SLC17A6: variants seen among roughly 807,000 people sequenced by gnomAD.
SLC17A6 encodes the protein vesicular glutamate transporter 2.
SLC17A6 carries 35 observed loss-of-function variants against 67.1 expected under a neutral mutation model. That is an observed-to-expected ratio of 0.52 (90% CI 0.40 to 0.69). The LOEUF (loss-of-function observed/expected upper bound fraction) is 0.69. Ranked by LOEUF, SLC17A6 falls within the 30% of genes least tolerant of loss-of-function variation. SLC17A6 has a pLI of 0.00. For synonymous variants in SLC17A6, 285 were observed against 252.3 expected, an observed-to-expected ratio of 1.13 and a Z score of -1.23; for missense variants, 588 against 723.9, an observed-to-expected ratio of 0.81 and a Z score of 2.15.
chr11:22,342,661 C>G (rs1421405497), intron 2 of SLC17A6, among the ~76,000 whole-genome samples: 2 of 152,142 alleles, frequency 1.3e-5, no homozygotes, highest in Non-Finnish European at 2.9e-5. Context: ...AACCCCTGAG[C>G]AATGACTCCC....
chr11:22,351,163 T>C (rs981742757), intron 3 of SLC17A6, among the ~76,000 whole-genome samples: 1 of 152,100 alleles, frequency 6.6e-6, no homozygotes, highest in African/African-American at 2.4e-5. Context: ...AATCAAATAA[T>C]AAGTATATAT....
At chr11:22,359,363 A>C in intron 3 of SLC17A6, 50 bp from the exon 4 acceptor site, 2 of 1,159,460 alleles carry the variant, frequency 1.7e-6, no homozygotes, top group Non-Finnish European at 2.4e-6. Flanking sequence ...AGATATGTAT[A>C]TATAAGATGC....
intron 2 of SLC17A6, among the ~76,000 whole-genome samples, chr11:22,342,141 A>G (rs1855822616): frequency 6.6e-6 from 1 of 152,252 alleles, no homozygotes; most frequent in African/African-American, 2.4e-5. Flanking sequence ...TAGTTTTCCC[A>G]GGACTTCAGT....
chr11:22,343,929 C>T (rs984523004), intron 3 of SLC17A6, among the ~76,000 whole-genome samples: 9 of 152,126 alleles, frequency 5.9e-5, no homozygotes, highest in Non-Finnish European at 8.8e-5. Flanking sequence ...TTGGGGGAGC[C>T]CTCAGCTGCT....
intron 5 of SLC17A6, among the ~76,000 whole-genome samples, chr11:22,361,843 C>G (rs1050571505): frequency 8.5e-5 from 13 of 152,142 alleles, no homozygotes; most frequent in Non-Finnish European, 1.2e-4. Context: ...AATTCCCTTT[C>G]CAAATCAGAT....
At chr11:22,377,315 G>C (rs1285263592) in intron 11 of SLC17A6, 90 bp from the exon 12 acceptor site, 1 of 1,213,032 alleles carries the variant, frequency 8.2e-7, no homozygotes, top group Non-Finnish European at 1.2e-6. Context: ...AGTGTTTTAT[G>C]AAAACTCAGT....
chr11:22,377,967 A>G lies in SLC17A6; in HGVS notation c.*227A>G. On this transcript the variant is annotated 3_prime_UTR_variant, in exon 12 of 12. Coordinates refer to ENST00000263160, the MANE Select transcript of SLC17A6 (RefSeq NM_020346.3). ...TCATCCATTCTTGCATTTGTGACTTAAAGGTTGACTGGTCAAAATTGTAGA... is the reference window on the plus strand; with the variant it reads ...TCATCCATTCTTGCATTTGTGACTTGAAGGTTGACTGGTCAAAATTGTAGA... 5.9e-6 allele frequency: 3 copies of G among 512,716 alleles called. No homozygotes were observed. Among genetic ancestry groups the G allele is most frequent in the Non-Finnish European group, 1.0e-5 (3 of 294,146 alleles). The allele number at this position is 512,716 out of a possible 1,614,324, so 31.8% of individuals were successfully genotyped here.
intron 6 of SLC17A6, among the ~76,000 whole-genome samples, chr11:22,363,941 G>T (rs1163167502): frequency 6.6e-6 from 1 of 152,082 alleles, no homozygotes; most frequent in Non-Finnish European, 1.5e-5. Context: ...TATGTTTTGT[G>T]TCTTTGTCCA....
chr11:22,363,828 C>G (rs1364135788), intron 6 of SLC17A6, among the ~76,000 whole-genome samples: 4 of 151,788 alleles, frequency 2.6e-5, no homozygotes, highest in African/African-American at 9.7e-5. Flanking sequence ...TTAATTTATA[C>G]TCTTCATTAC....
In SLC17A6 at chr11:22,359,425, T is replaced by A; in HGVS notation, c.471T>A (p.Ala157=). ...SRLAANRVFG[A]AILLTSTLNM... The stretch of plus-strand genomic sequence containing the variant: ...TTTTCTATTTCAGGGTTTTCGGAGC[T>A]GCCATACTTCTTACCTCTACCCTAA... The change falls in exon 4 of 12, where the codon GCT becomes GCA. Residue 157 remains alanine, a synonymous_variant. Coordinates refer to ENST00000263160, the MANE Select transcript of SLC17A6 (RefSeq NM_020346.3). 1 of 1,575,094 alleles carries A rather than the reference T, an allele frequency of 6.3e-7. No homozygotes were observed. The highest frequency in any genetic ancestry group is 8.6e-7 in the Non-Finnish European group (1 of 1,160,410).
intron 7 of SLC17A6, 133 bp downstream of exon 7, chr11:22,365,822 A>G (rs945345933): frequency 1.1e-6 from 1 of 926,988 alleles, no homozygotes; most frequent in African/African-American, 1.7e-5. Flanking sequence ...ATTTTGGTCC[A>G]TCCATATTCT....
At chr11:22,375,604 C>T (rs1249105191) in intron 9 of SLC17A6, among the ~76,000 whole-genome samples, 1 of 151,698 alleles carries the variant, frequency 6.6e-6, no homozygotes, top group East Asian at 2.0e-4. Flanking sequence ...CCTCAGCCTC[C>T]CAAGTAGCTG....
At chr11:22,344,044 A>T (rs1242202806) in intron 3 of SLC17A6, among the ~76,000 whole-genome samples, 1 of 151,988 alleles carries the variant, frequency 6.6e-6, no homozygotes, top group Non-Finnish European at 1.5e-5. Flanking sequence ...AAAGCATAAG[A>T]CCTAAGGACC....
chr11:22,362,789 C>T lies in SLC17A6; in HGVS notation c.712C>T (p.Gln238Ter). The T allele has an allele frequency of 6.2e-7, 1 of 1,613,798 alleles. No homozygotes were observed. The highest frequency in any genetic ancestry group is 8.5e-7 in the Non-Finnish European group (1 of 1,179,722). Residue 238 changes from glutamine (Q) to a stop codon, truncating the protein, a stop_gained, in exon 6 of 12, where the codon CAG becomes TAG. Coordinates refer to ENST00000263160, the MANE Select transcript of SLC17A6 (RefSeq NM_020346.3). LOFTEE classifies it high-confidence loss of function. ...IAMPLAGILVQYTGWSSVFYV... is the reference protein window; with the variant it reads ...IAMPLAGILV ...AATGCCTTTAGCTGGCATTCTTGTG[C>T]AGTACACTGGCTGGTCTTCAGTGTT...
chr11:22,370,079 C>T lies in SLC17A6; in HGVS notation c.932C>T (p.Pro311Leu). The change falls in exon 8 of 12, where the codon CCA becomes CTA. Residue 311 changes from proline to leucine, a missense_variant. Physicochemically the swap from Pro to Leu is moderately conservative, Grantham distance 98. Transcript: ENST00000263160. ...TPWRKFFTSM[P>L]VYAIIVANFC... is the part of the protein sequence containing the mutation. Reference sequence around the variant, plus strand: ...TGGAGGAAGTTTTTTACATCCATGCCAGTCTATGCAATAATTGTTGCAAAC... The same window carrying T: ...TGGAGGAAGTTTTTTACATCCATGCTAGTCTATGCAATAATTGTTGCAAAC... 4 of 1,611,516 alleles carry T rather than the reference C, an allele frequency of 2.5e-6. No individual in the cohort carries two copies. Among genetic ancestry groups the T allele is most frequent in the South Asian group, 1.1e-5 (1 of 90,284 alleles).
At chr11:22,340,719 G>C (rs1855805394) in intron 1 of SLC17A6, among the ~76,000 whole-genome samples, 1 of 152,036 alleles carries the variant, frequency 6.6e-6, no homozygotes, top group Non-Finnish European at 1.5e-5. Context: ...CTTAGGTGTC[G>C]GCCATATGCT....
At chr11:22,377,055 G>A (rs773331258) in intron 11 of SLC17A6, among the ~76,000 whole-genome samples, 17 of 152,046 alleles carry the variant, frequency 1.1e-4, no homozygotes, top group Non-Finnish European at 1.8e-4. Context: ...GTACTTATAT[G>A]TGTATGCAGA....
At chr11:22,363,914 G>A (rs996530685) in intron 6 of SLC17A6, among the ~76,000 whole-genome samples, 1 of 151,986 alleles carries the variant, frequency 6.6e-6, no homozygotes, top group African/African-American at 2.4e-5. Context: ...AGTTGGTATG[G>A]CTATCCAATT....
At chr11:22,349,940 T>C (rs1462017399) in intron 3 of SLC17A6, among the ~76,000 whole-genome samples, 1 of 152,148 alleles carries the variant, frequency 6.6e-6, no homozygotes, top group Non-Finnish European at 1.5e-5. Flanking sequence ...AACACTAGTC[T>C]CCTGTTAAGT....
Sources: gnomAD v4.1 joint callset for allele counts (sites outside exome capture counted in the v4.1 genomes callset) on GRCh38, gnomAD v4.1.1 for gene constraint, MANE v1.5 for transcripts, NCBI Gene and HGNC (gene_info 2026-07-23, HGNC 2026-07-21) for gene names.